ARHGAP32: variants seen among roughly 807,000 people sequenced by gnomAD.
ARHGAP32 encodes Rho GTPase activating protein 32.
Under a neutral mutation model 186.5 loss-of-function variants are expected in ARHGAP32, and 51 were observed. The observed-to-expected ratio is 0.27, with a 90% CI of 0.22 to 0.35. The LOEUF (loss-of-function observed/expected upper bound fraction) is 0.35, where lower values mean the gene tolerates loss of function less well. ARHGAP32 is among the 10% of genes least tolerant of loss of function. The probability of loss-of-function intolerance (pLI) is 1.00; values close to 1 mark genes in which losing one functional copy is unlikely to be tolerated. For missense variants in ARHGAP32, 2,186 were observed against 2,623.5 expected, an observed-to-expected ratio of 0.83 and a Z score of 3.64; for synonymous variants, 950 against 964.3, an observed-to-expected ratio of 0.99 and a Z score of 0.27.
At chr11:129,009,244 CTT>C (rs1217701371) in intron 11 of ARHGAP32, among the ~76,000 whole-genome samples, 20 of 152,010 alleles carry the variant, frequency 1.3e-4, no homozygotes, top group Non-Finnish European at 2.9e-4. Flanking sequence ...TGCTAGGTAA[CTT>C]AATTTTTTTT....
At chr11:129,145,730 T>A (rs1943155735) in intron 2 of ARHGAP32, among the ~76,000 whole-genome samples, 1 of 152,110 alleles carries the variant, frequency 6.6e-6, no homozygotes, top group Admixed American at 6.5e-5. Flanking sequence ...AACTGCCAAT[T>A]GTTAAAATTT....
chr11:129,273,518 C>T (rs1459294479), intron 1 of ARHGAP32, among the ~76,000 whole-genome samples: 1 of 152,192 alleles, frequency 6.6e-6, no homozygotes, highest in East Asian at 1.9e-4. Flanking sequence ...GACAAACATC[C>T]AGGTCCTCTT....
rs879693620 is a variant in ARHGAP32 at position 128,976,475 on chromosome 11, A to C, written c.2194+88T>G. ...GAAATGAGTTAATAGCCTATTTATT[A>C]AGCACAGATATATAAAAATATACTC... On this transcript the variant is annotated intron_variant, in intron 20 of 22. Transcript: ENST00000682385. 2.5e-5 allele frequency: 27 copies of C among 1,078,186 alleles called. No individual in the cohort carries two copies. In the Admixed American group the frequency reaches 4.8e-4, roughly 19 times the overall value. The allele number at this position is 1,078,186 out of a possible 1,614,324, so 66.8% of individuals were successfully genotyped here. A position where few individuals can be genotyped will look rare whatever the true frequency, so the allele number is the denominator to read the frequency against.
At chr11:129,261,970 T>A (rs1218215326) in intron 1 of ARHGAP32, among the ~76,000 whole-genome samples, 1 of 152,210 alleles carries the variant, frequency 6.6e-6, no homozygotes, top group Non-Finnish European at 1.5e-5. Flanking sequence ...GTTTAGCGAT[T>A]ACCATAACAC....
intron 5 of ARHGAP32, among the ~76,000 whole-genome samples, chr11:129,107,964 C>T (rs1461550668): frequency 2.0e-5 from 3 of 149,044 alleles, no homozygotes; most frequent in Non-Finnish European, 3.0e-5. Flanking sequence ...TTAAGATGTT[C>T]TATGTAATCA....
chr11:129,034,617 C>T (rs111972406), intron 11 of ARHGAP32, among the ~76,000 whole-genome samples: 3,876 of 149,440 alleles, frequency 0.026, 100 homozygotes, highest in African/African-American at 0.064. Flanking sequence ...AAGAAAAATA[C>T]GAGAATTGAA....
At chr11:129,001,338 T>C (rs943002599) in intron 11 of ARHGAP32, among the ~76,000 whole-genome samples, 3 of 152,222 alleles carry the variant, frequency 2.0e-5, no homozygotes, top group Non-Finnish European at 2.9e-5. Context: ...CATCTCATTG[T>C]AGTTTTAATT....
intron 2 of ARHGAP32, among the ~76,000 whole-genome samples, chr11:129,140,349 G>A (rs944584203): frequency 2.1e-4 from 32 of 152,306 alleles, no homozygotes; most frequent in African/African-American, 6.3e-4. Context: ...CCTGAGCAGA[G>A]AACCCAGTTA....
chr11:129,022,333 G>A (rs1335166012), intron 11 of ARHGAP32, among the ~76,000 whole-genome samples: 1 of 152,016 alleles, frequency 6.6e-6, no homozygotes, highest in Admixed American at 6.5e-5. Flanking sequence ...GTTTGGTGTG[G>A]AACTTTGATA....
intron 2 of ARHGAP32, among the ~76,000 whole-genome samples, chr11:129,153,546 C>T (rs1943337370): frequency 6.6e-6 from 1 of 152,030 alleles, no homozygotes; most frequent in Non-Finnish European, 1.5e-5. Flanking sequence ...GGCATGTAGA[C>T]CAATGGAACA....
intron 10 of ARHGAP32, among the ~76,000 whole-genome samples, chr11:129,050,325 A>T (rs1444415122): frequency 6.6e-6 from 1 of 152,212 alleles, no homozygotes; most frequent in African/African-American, 2.4e-5. Context: ...TATCTCTTCC[A>T]ATCTTTGCCT....
chr11:129,212,873 C>A (rs1944598070), intron 1 of ARHGAP32, among the ~76,000 whole-genome samples: 1 of 150,558 alleles, frequency 6.6e-6, no homozygotes, highest in Admixed American at 6.6e-5. Flanking sequence ...AAATTGTGAT[C>A]CAGAATTCTT....
At chr11:129,247,593 A>G (rs1003154087) in intron 1 of ARHGAP32, among the ~76,000 whole-genome samples, 2 of 152,220 alleles carry the variant, frequency 1.3e-5, no homozygotes, top group Admixed American at 1.3e-4. Flanking sequence ...GGAAAAAAAG[A>G]CTTTCTTTTA....
intron 10 of ARHGAP32, among the ~76,000 whole-genome samples, chr11:129,060,883 A>G (rs1363467464): frequency 6.6e-6 from 1 of 152,124 alleles, no homozygotes; most frequent in Non-Finnish European, 1.5e-5. Context: ...AATCTTCAAG[A>G]TAATCATGTG....
intron 11 of ARHGAP32, among the ~76,000 whole-genome samples, chr11:129,022,290 G>A (rs1054827201): frequency 1.3e-5 from 2 of 152,080 alleles, no homozygotes; most frequent in African/African-American, 4.8e-5. Context: ...GTACTTTAAT[G>A]TCACAGTCCT....
chr11:128,966,451 AG>A lies in ARHGAP32; in HGVS notation c.*2455del, dbSNP rs1294410286. The A allele has an allele frequency of 6.6e-6, 1 of 152,232 alleles. No homozygotes were observed. The highest frequency in any genetic ancestry group is 1.5e-5 in the Non-Finnish European group (1 of 68,034). The allele number at this position is 152,232 out of a possible 1,614,324, so 9.4% of individuals were successfully genotyped here. ...TTTCAAATAACTGAATCCAAAGTTA[AG>A]GCTGTTGCTAGCATGCATTAAATGA... On this transcript the variant is annotated 3_prime_UTR_variant, in exon 23 of 23. Transcript: ENST00000682385.
chr11:129,159,782 A>C (rs1215256950), intron 2 of ARHGAP32, among the ~76,000 whole-genome samples: 1 of 152,198 alleles, frequency 6.6e-6, no homozygotes, highest in Non-Finnish European at 1.5e-5. Flanking sequence ...ACTAAATTTC[A>C]GGCCAATATC....
In ARHGAP32 at chr11:129,192,176, C is replaced by A. The variant is rs755615543; in HGVS notation, c.23G>T (p.Ser8Ile). Residue 8 changes from serine to isoleucine, a missense_variant, in exon 1 of 23, where the codon AGC (serine) becomes ATC (isoleucine). Coordinates refer to ENST00000682385, the MANE Select transcript of ARHGAP32 (RefSeq NM_001378024.1). Reference protein sequence around the residue: METESESSTLGDDSVFWL... With the variant: METESESITLGDDSVFWL... Reference sequence around the variant, plus strand: ...GAAGACACTGTCATCCCCTAAAGTGCTACTCTCACTTTCAGTCTCCATCTT... The same window carrying A: ...GAAGACACTGTCATCCCCTAAAGTGATACTCTCACTTTCAGTCTCCATCTT... 2.5e-6 allele frequency: 4 copies of A among 1,612,894 alleles called. No individual in the cohort carries two copies. Among genetic ancestry groups the A allele is most frequent in the Non-Finnish European group, 3.4e-6 (4 of 1,179,038 alleles).
chr11:129,075,717 T>C (rs1426040453), intron 6 of ARHGAP32, among the ~76,000 whole-genome samples: 2 of 152,190 alleles, frequency 1.3e-5, no homozygotes, highest in Non-Finnish European at 2.9e-5. Context: ...GAGGCTCATA[T>C]GGAACAGTCA....
Sources: gnomAD v4.1 joint callset for allele counts (sites outside exome capture counted in the v4.1 genomes callset) on GRCh38, gnomAD v4.1.1 for gene constraint, MANE v1.5 for transcripts, NCBI Gene and HGNC (gene_info 2026-07-23, HGNC 2026-07-21) for gene names.